Variants in SYT16 observed in about 807,000 individuals in gnomAD.
SYT16 encodes synaptotagmin-16.
Under a neutral mutation model 61.4 loss-of-function variants are expected in SYT16, and 42 were observed. That is an observed-to-expected ratio of 0.68 (90% CI 0.53 to 0.89). The LOEUF is 0.89. Among genes scored for constraint, SYT16 ranks in the 40% least tolerant of loss-of-function variants. The pLI, the probability that SYT16 is intolerant of heterozygous loss-of-function variation, is 0.00. For synonymous variants in SYT16, 314 were observed against 302.3 expected, an observed-to-expected ratio of 1.04 and a Z score of -0.40; for missense variants, 804 against 807.3, an observed-to-expected ratio of 1.00 and a Z score of 0.05.
At chr14:61,897,452 G>T (rs1329453305) in intron 1 of SYT16, 1 of 152,180 alleles carries the variant, frequency 6.6e-6, no homozygotes, top group African/African-American at 2.4e-5. Context: ...TGCTGTGTCA[G>T]CTCCACCCCT....
intron 2 of SYT16, among the ~76,000 whole-genome samples, chr14:61,984,487 T>C (rs2052220027): frequency 6.6e-6 from 1 of 152,200 alleles, no homozygotes; most frequent in East Asian, 1.9e-4. Context: ...CATATTTATA[T>C]TAAAATTCTT....
At chr14:61,846,828 G>GT (rs1352444709) in intron 1 of SYT16, among the ~76,000 whole-genome samples, 1 of 151,866 alleles carries the variant, frequency 6.6e-6, no homozygotes, top group Non-Finnish European at 1.5e-5. Context: ...TCTGTTGTAT[G>GT]TTTTTTTATT....
intron 1 of SYT16, among the ~76,000 whole-genome samples, chr14:61,894,677 C>G (rs1195526009): frequency 1.3e-5 from 2 of 152,120 alleles, no homozygotes; most frequent in Non-Finnish European, 2.9e-5. Flanking sequence ...GCGTGATTAT[C>G]TAGGGCCCAG....
At chr14:61,949,695 A>G (rs1243238352) in intron 1 of SYT16, among the ~76,000 whole-genome samples, 2 of 152,198 alleles carry the variant, frequency 1.3e-5, no homozygotes, top group Non-Finnish European at 2.9e-5. Context: ...GGATGCGGCA[A>G]TAGGTGAGGC....
At chr14:62,086,089 T>A (rs959983872) in intron 7 of SYT16, among the ~76,000 whole-genome samples, 16 of 152,120 alleles carry the variant, frequency 1.1e-4, no homozygotes, top group Non-Finnish European at 1.9e-4. Context: ...TACCGGGCAA[T>A]CCAGAGGAGA....
intron 1 of SYT16, among the ~76,000 whole-genome samples, chr14:61,911,831 T>G (rs986833270): frequency 6.6e-6 from 1 of 152,212 alleles, no homozygotes; most frequent in Non-Finnish European, 1.5e-5. Context: ...AACCAGCTCC[T>G]CTGCACCTCT....
intron 1 of SYT16, among the ~76,000 whole-genome samples, chr14:61,869,795 G>A (rs948669994): frequency 1.2e-4 from 19 of 152,182 alleles, no homozygotes; most frequent in Non-Finnish European, 2.8e-4. Flanking sequence ...TCTCTGCCAT[G>A]TGAGGTTATG....
intron 1 of SYT16, among the ~76,000 whole-genome samples, chr14:61,932,521 A>T (rs1344455274): frequency 6.6e-6 from 1 of 152,130 alleles, no homozygotes; most frequent in African/African-American, 2.4e-5. Flanking sequence ...TTATAAAACC[A>T]TCAGATCTCG....
chr14:61,995,004 C>G (rs538462405), intron 2 of SYT16, among the ~76,000 whole-genome samples: 1 of 152,106 alleles, frequency 6.6e-6, no homozygotes, highest in Non-Finnish European at 1.5e-5. Flanking sequence ...TCATTTGTAA[C>G]GTTCATCTTG....
intron 3 of SYT16, among the ~76,000 whole-genome samples, chr14:62,022,626 A>G (rs1396039887): frequency 6.6e-6 from 1 of 151,900 alleles, no homozygotes; most frequent in African/African-American, 2.4e-5. Flanking sequence ...TTACACACAC[A>G]CACACACACA....
chr14:62,082,204 C>T lies in SYT16; in HGVS notation c.1434+930C>T, dbSNP rs150685078. On this transcript the variant is annotated intron_variant, in intron 6 of 7. Transcript: ENST00000683842. ...GCAAGCAGTCAGGATGTGGGGTGGCCGGGGGAGTGGGGAAGCTTGTCATAT... is the reference window on the plus strand; with the variant it reads ...GCAAGCAGTCAGGATGTGGGGTGGCTGGGGGAGTGGGGAAGCTTGTCATAT... 1.2e-3 allele frequency among the ~76,000 whole-genome samples: 186 copies of T among 152,074 alleles called. 1 individual carries two copies. The highest frequency in any genetic ancestry group is 4.1e-3 in the African/African-American group (170 of 41,496).
intron 7 of SYT16, among the ~76,000 whole-genome samples, chr14:62,092,633 G>C (rs2057125481): frequency 6.6e-6 from 1 of 151,360 alleles, no homozygotes; most frequent in Non-Finnish European, 1.5e-5. Flanking sequence ...GTCACAAAAA[G>C]ACAAACACTG....
chr14:61,826,698 G>T (rs1054781363), intron 1 of SYT16, among the ~76,000 whole-genome samples: 6 of 151,926 alleles, frequency 3.9e-5, no homozygotes, highest in African/African-American at 1.5e-4. Flanking sequence ...ATTAAACAGA[G>T]ATCCCTGTAG....
chr14:62,032,715 T>TA (rs530028053), intron 3 of SYT16, among the ~76,000 whole-genome samples: 3,953 of 146,232 alleles, frequency 0.027, 54 homozygotes, highest in Middle Eastern at 0.053. Flanking sequence ...CTACAGTTAG[T>TA]AAAAAAAAAA....
At chr14:62,077,286 C>T (rs1046077338) in intron 5 of SYT16, among the ~76,000 whole-genome samples, 7 of 152,212 alleles carry the variant, frequency 4.6e-5, no homozygotes, top group African/African-American at 1.7e-4. Flanking sequence ...CAAGTATTCT[C>T]ATCTTAAGGA....
intron 1 of SYT16, chr14:61,864,860 C>T: frequency 8.7e-7 from 1 of 1,143,072 alleles, no homozygotes; most frequent in Non-Finnish European, 1.3e-6. Flanking sequence ...CATATTCTCC[C>T]AGCCACCCCC....
intron 3 of SYT16, among the ~76,000 whole-genome samples, chr14:62,051,098 T>A (rs2055266635): frequency 6.6e-6 from 1 of 152,244 alleles, no homozygotes; most frequent in African/African-American, 2.4e-5. Flanking sequence ...GCAGGCCTCC[T>A]TGAGCTGTGG....
intron 3 of SYT16, among the ~76,000 whole-genome samples, chr14:62,067,517 C>T (rs2056110886): frequency 6.6e-6 from 1 of 152,094 alleles, no homozygotes. Flanking sequence ...GGCCCGTGTG[C>T]TGGTATATCA....
chr14:61,953,757 C>T (rs895270798), intron 1 of SYT16, among the ~76,000 whole-genome samples: 11 of 152,158 alleles, frequency 7.2e-5, no homozygotes, highest in African/African-American at 2.2e-4. Flanking sequence ...CTTGGGTCAA[C>T]CTGAGTGGTA....
Sources: allele counts gnomAD v4.1 joint callset (sites outside exome capture counted in the v4.1 genomes callset), GRCh38; gene constraint gnomAD v4.1.1; transcripts MANE v1.5; gene names NCBI Gene and HGNC (gene_info 2026-07-23, HGNC 2026-07-21).